FBXL13: variants seen among roughly 807,000 people sequenced by gnomAD.
FBXL13 encodes F-box and leucine-rich repeat protein 13.
In FBXL13, 67 loss-of-function variants were observed where a neutral mutation model predicts 83.6. The ratio of observed to expected loss-of-function variants is 0.80; its 90% CI spans 0.66 to 0.98. The LOEUF (loss-of-function observed/expected upper bound fraction) is 0.98. Among genes scored for constraint, FBXL13 ranks in the 50% least tolerant of loss-of-function variants. The pLI, the probability that FBXL13 is intolerant of heterozygous loss-of-function variation, is 0.00. For synonymous variants in FBXL13, 272 were observed against 299.5 expected, an observed-to-expected ratio of 0.91 and a Z score of 0.95; for missense variants, 822 against 866.5, an observed-to-expected ratio of 0.95 and a Z score of 0.64.
At chr7:102,995,327 A>T (rs1403971550) in intron 6 of FBXL13, among the ~76,000 whole-genome samples, 1 of 151,418 alleles carries the variant, frequency 6.6e-6, no homozygotes, top group East Asian at 2.0e-4. Flanking sequence ...TAAAAATACA[A>T]AAAATTAGCT....
intron 2 of FBXL13, among the ~76,000 whole-genome samples, chr7:103,030,422 T>C (rs1373960655): frequency 6.6e-6 from 1 of 152,136 alleles, no homozygotes; most frequent in Non-Finnish European, 1.5e-5. Flanking sequence ...CAGATTTTTA[T>C]AGAAGAAAGG....
chr7:102,858,403 T>C (rs754977813), intron 16 of FBXL13, among the ~76,000 whole-genome samples: 2 of 152,186 alleles, frequency 1.3e-5, no homozygotes, highest in Non-Finnish European at 2.9e-5. Context: ...CATAATTTAT[T>C]GTATATTTTC....
intron 11 of FBXL13, among the ~76,000 whole-genome samples, chr7:102,894,573 A>T (rs1361773717): frequency 6.6e-6 from 1 of 151,954 alleles, no homozygotes; most frequent in Non-Finnish European, 1.5e-5. Flanking sequence ...AAAAATTTGA[A>T]AAGAATTAAC....
At chr7:102,913,087 T>A in exon 11 of FBXL13, 1 of 1,614,084 alleles carries the variant, frequency 6.2e-7, no homozygotes, top group Non-Finnish European at 8.5e-7. Flanking sequence ...AAGACAAACC[T>A]GGGTGCAGCC....
intron 9 of FBXL13, among the ~76,000 whole-genome samples, chr7:102,928,385 G>C (rs760427103): frequency 1.3e-5 from 2 of 152,208 alleles, no homozygotes; most frequent in Non-Finnish European, 2.9e-5. Context: ...CTTTCTGAAT[G>C]TAATATATTT....
chr7:102,896,187 G>GCTTTT (rs763699867), intron 11 of FBXL13, among the ~76,000 whole-genome samples: 5 of 152,186 alleles, frequency 3.3e-5, no homozygotes, highest in Non-Finnish European at 7.3e-5. Context: ...TCCTTCCAAG[G>GCTTTT]CTTTTCTTTT....
intron 17 of FBXL13, among the ~76,000 whole-genome samples, chr7:102,845,019 C>T (rs1803679101): frequency 2.0e-5 from 3 of 152,158 alleles, no homozygotes; most frequent in Admixed American, 6.5e-5. Flanking sequence ...AGTTGGAGTG[C>T]ACCCCTCTCC....
At chr7:102,926,186 G>C (rs78166783) in intron 10 of FBXL13, 88 bp downstream of exon 11, 14 of 1,053,098 alleles carry the variant, frequency 1.3e-5, no homozygotes, top group Admixed American at 2.2e-5. Context: ...TTGATAAAGG[G>C]AGCACTGCCC....
intron 6 of FBXL13, among the ~76,000 whole-genome samples, chr7:102,980,516 G>A (rs187384677): frequency 4.5e-4 from 68 of 152,278 alleles, no homozygotes; most frequent in African/African-American, 1.5e-3. Context: ...GGTGGCTTAC[G>A]CCTGTAATCC....
At chr7:102,907,941 T>A (rs1386937485) in intron 11 of FBXL13, among the ~76,000 whole-genome samples, 1 of 152,184 alleles carries the variant, frequency 6.6e-6, no homozygotes, top group East Asian at 1.9e-4. Flanking sequence ...TGTGGAGGAA[T>A]AGGAACACTT....
chr7:102,955,946 C>T (rs1824194924), intron 8 of FBXL13, among the ~76,000 whole-genome samples: 1 of 152,066 alleles, frequency 6.6e-6, no homozygotes, highest in Admixed American at 6.6e-5. Flanking sequence ...CCGAATTCTA[C>T]CAGAAGTACA....
rs116154052 is a variant in FBXL13 at position 102,844,046 on chromosome 7, C to T, written c.1719+10731G>A. 3.4e-3 allele frequency among the ~76,000 whole-genome samples: 513 copies of T among 152,278 alleles called. 4 individuals are homozygous for T. Among genetic ancestry groups the T allele is most frequent in the African/African-American group, 0.012 (492 of 41,554 alleles). ...ACCAGCTTGTGAAGAATATAAGCCA[C>T]AAACCAGGCAGAAAACACAAGAGAG... On this transcript the variant is annotated intron_variant, in intron 17 of 19. Coordinates refer to ENST00000313221, the Ensembl canonical transcript of FBXL13.
intron 6 of FBXL13, among the ~76,000 whole-genome samples, chr7:102,984,625 TA>T (rs1193702315): frequency 1.3e-5 from 2 of 152,252 alleles, no homozygotes; most frequent in Non-Finnish European, 2.9e-5. Flanking sequence ...ACTTAATTGA[TA>T]TTTTTTTAAT....
intron 6 of FBXL13, among the ~76,000 whole-genome samples, chr7:102,984,887 T>C (rs1828759732): frequency 6.6e-6 from 1 of 152,224 alleles, no homozygotes; most frequent in Admixed American, 6.5e-5. Flanking sequence ...AAAGAACAAA[T>C]AAATTTTTTG....
chr7:102,925,654 G>A (rs540475319), intron 10 of FBXL13, among the ~76,000 whole-genome samples: 2 of 152,056 alleles, frequency 1.3e-5, no homozygotes, highest in African/African-American at 4.8e-5. Flanking sequence ...CTATTATAAA[G>A]AGGTCCGCTG....
At chr7:103,029,819 C>T (rs1230208769) in intron 2 of FBXL13, among the ~76,000 whole-genome samples, 1 of 151,860 alleles carries the variant, frequency 6.6e-6, no homozygotes, top group Non-Finnish European at 1.5e-5. Context: ...AACTGAGATT[C>T]TCTTTTCAAC....
intron 16 of FBXL13, among the ~76,000 whole-genome samples, chr7:102,863,556 T>C (rs925895252): frequency 1.3e-5 from 2 of 152,122 alleles, no homozygotes; most frequent in Non-Finnish European, 2.9e-5. Flanking sequence ...GAGTTTTCTT[T>C]CAGAAATGCT....
rs746259403 is a variant in FBXL13 at position 102,822,220 on chromosome 7, A to C, written c.1855-17T>G. ...GTCAGTAATCTGAACACAGAGCCAAAGTAAGTACTGGTTATTCAAACACTA... is the reference window on the plus strand; with the variant it reads ...GTCAGTAATCTGAACACAGAGCCAACGTAAGTACTGGTTATTCAAACACTA... On this transcript the variant is annotated splice_polypyrimidine_tract_variant and intron_variant, in intron 18 of 19. Coordinates refer to ENST00000313221, the Ensembl canonical transcript of FBXL13. 6.2e-7 allele frequency: 1 copy of C among 1,613,248 alleles called. No individual in the cohort carries two copies. Among genetic ancestry groups the C allele is most frequent in the Admixed American group, 1.7e-5 (1 of 60,032 alleles).
chr7:102,977,594 G>A (rs778371167), intron 6 of FBXL13, among the ~76,000 whole-genome samples: 25 of 152,180 alleles, frequency 1.6e-4, no homozygotes, highest in Middle Eastern at 3.4e-3. Flanking sequence ...TTTTTCTCCC[G>A]TGTTATCCCA....
Sources: allele counts gnomAD v4.1 joint callset (sites outside exome capture counted in the v4.1 genomes callset), GRCh38; gene constraint gnomAD v4.1.1; transcripts MANE v1.5; gene names NCBI Gene and HGNC (gene_info 2026-07-23, HGNC 2026-07-21).